The following RALGDS variants were observed in gnomAD, a reference collection of about 807,000 sequenced individuals.
RALGDS encodes ral guanine nucleotide exchange factor.
RALGDS carries 44 observed loss-of-function variants against 99.8 expected under a neutral mutation model. The ratio of observed to expected loss-of-function variants is 0.44; its 90% CI spans 0.35 to 0.57. The LOEUF is 0.57. RALGDS is among the 20% of genes least tolerant of loss of function. RALGDS has a pLI of 0.01. For synonymous variants in RALGDS, 529 were observed against 505.0 expected, an observed-to-expected ratio of 1.05 and a Z score of -0.64; for missense variants, 1,022 against 1,203.1, an observed-to-expected ratio of 0.85 and a Z score of 2.23.
At chr9:133,137,349 A>G (rs1832444286) in intron 1 of RALGDS, among the ~76,000 whole-genome samples, 1 of 152,266 alleles carries the variant, frequency 6.6e-6, no homozygotes, top group South Asian at 2.1e-4. Flanking sequence ...TGCCTAGAAC[A>G]GCATCTAGCA....
intron 1 of RALGDS, among the ~76,000 whole-genome samples, chr9:133,140,898 G>A (rs1832510074): frequency 6.6e-6 from 1 of 152,188 alleles, no homozygotes; most frequent in Admixed American, 6.5e-5. Flanking sequence ...CACTGTCTGT[G>A]CTGCCCTCTG....
At position 133,108,355 on chromosome 9, in the gene RALGDS, A is replaced by G. The variant is rs1162558814; in HGVS notation, c.830T>C (p.Leu277Pro). The G allele has an allele frequency of 6.5e-7, 1 of 1,539,602 alleles. No homozygotes were observed. Among genetic ancestry groups the G allele is most frequent in the African/African-American group, 1.4e-5 (1 of 73,018 alleles). Reference protein sequence around the residue: ...LKPTPELELALTPARAPSPVP... With the variant: ...LKPTPELELAPTPARAPSPVP... ...TGGGCTGGGTGCTCGAGCTGGTGTT[A>G]GAGCTAGCTCGAGCTCTGGAGTTGG... is the stretch of plus-strand genomic sequence containing the variant. Residue 277 changes from leucine (L) to proline (P), a missense_variant, in exon 6 of 18, where the codon CTA becomes CCA. This residue lies in a region of RALGDS where 825 missense variants were observed against 994.5 expected (regional missense o/e 0.83). Transcript: ENST00000372050.
chr9:133,137,112 A>G (rs749566294), intron 1 of RALGDS, among the ~76,000 whole-genome samples: 14 of 152,128 alleles, frequency 9.2e-5, no homozygotes, highest in Non-Finnish European at 8.8e-5. Context: ...GTGCACCTGT[A>G]GTCCCAGCTA....
intron 1 of RALGDS, among the ~76,000 whole-genome samples, chr9:133,147,935 C>T (rs1200634064): frequency 6.6e-6 from 1 of 152,182 alleles, no homozygotes; most frequent in Non-Finnish European, 1.5e-5. Context: ...ACCAGGGCAA[C>T]GGCTCTGGCC....
At chr9:133,103,628 C>T in intron 11 of RALGDS, 119 bp downstream of exon 11, 1 of 1,081,084 alleles carries the variant, frequency 9.2e-7, no homozygotes, top group Non-Finnish European at 1.4e-6. Flanking sequence ...CCTGGGGTGT[C>T]ACCAGCAGGG....
intron 16 of RALGDS, 23 bp downstream of exon 16, chr9:133,101,497 C>A: frequency 6.2e-7 from 1 of 1,610,282 alleles, no homozygotes; most frequent in Non-Finnish European, 8.5e-7. Context: ...AGGGAGGCAC[C>A]CAGGCCACCC....
upstream of RALGDS, among the ~76,000 whole-genome samples, chr9:133,121,440 C>T (rs1199686783): frequency 6.6e-6 from 1 of 152,048 alleles, no homozygotes; most frequent in Non-Finnish European, 1.5e-5. Context: ...GAGGGCGGGG[C>T]CGGGGAGGTC....
At chr9:133,140,143 G>A (rs1832494389) in intron 1 of RALGDS, among the ~76,000 whole-genome samples, 1 of 151,966 alleles carries the variant, frequency 6.6e-6, no homozygotes, top group Non-Finnish European at 1.5e-5. Context: ...GGTGGGAGCG[G>A]GAATCCCTTT....
Position 133,140,889 on chromosome 9 carries a change from A to G in RALGDS, c.18+8074T>C, listed in dbSNP as rs572059286. 6.6e-5 allele frequency among the ~76,000 whole-genome samples: 10 copies of G among 152,190 alleles called. 1 individual carries two copies. The South Asian group carries it at 2.1e-3, about 32-fold the overall frequency. ...GGCTGTGGGCCGGCAGCTCCCCGCC[A>G]CTGTCTGTGCTGCCCTCTGCCCTGC... On this transcript the variant is annotated intron_variant, in intron 1 of 17. Coordinates refer to the RALGDS transcript ENST00000393160.
At chr9:133,106,918 A>G (rs1410381479) in intron 7 of RALGDS, among the ~76,000 whole-genome samples, 167 bp downstream of exon 7, 2 of 152,202 alleles carry the variant, frequency 1.3e-5, no homozygotes, top group African/African-American at 4.8e-5. Flanking sequence ...CAACCCAAGG[A>G]AAGAGTGTAA....
At chr9:133,103,980 T>C (rs1249835737) in intron 10 of RALGDS, 147 bp from the exon 11 acceptor site, 6 of 867,088 alleles carry the variant, frequency 6.9e-6, no homozygotes, top group Non-Finnish European at 1.1e-5. Flanking sequence ...AGACTCCCTC[T>C]AGCCATCTCC....
chr9:133,141,985 G>A (rs1832530932), intron 1 of RALGDS, among the ~76,000 whole-genome samples: 1 of 152,202 alleles, frequency 6.6e-6, no homozygotes, highest in Non-Finnish European at 1.5e-5. Flanking sequence ...ACCACACGTG[G>A]TACCCCATGG....
chr9:133,129,350 C>A, intron 1 of RALGDS: 2 of 1,537,028 alleles, frequency 1.3e-6, no homozygotes, highest in South Asian at 1.2e-5. Context: ...GGAGTGGGCC[C>A]TGCGGGAGGC....
At chr9:133,128,892 C>T (rs192381880) in intron 1 of RALGDS, among the ~76,000 whole-genome samples, 4 of 152,300 alleles carry the variant, frequency 2.6e-5, no homozygotes, top group East Asian at 1.9e-4. Context: ...TGGACTGACC[C>T]GTGGGGCTGG....
At position 133,102,039 on chromosome 9, in the gene RALGDS, C is replaced by T. The variant is rs147006349; in HGVS notation, c.2110G>A (p.Ala704Thr). The T allele has an allele frequency of 1.7e-5, 27 of 1,557,882 alleles. No individual in the cohort carries two copies. Among genetic ancestry groups the T allele is most frequent in the African/African-American group, 4.1e-5 (3 of 73,494 alleles). Residue 704 changes from alanine (A) to threonine (T), a missense_variant, in exon 15 of 18, where the codon GCT (alanine) becomes ACT (threonine). Physicochemically the swap from Ala to Thr is moderately conservative, Grantham distance 58 (BLOSUM62 0). Coordinates refer to ENST00000372050, the MANE Select transcript of RALGDS (RefSeq NM_006266.4). ...GCCGAGTGCACGCTGAGCGCGTCAG[C>T]GATGTCCCCGCTGCTGAGGTAGGGG... ...CGPYLSSGDI[A>T]DALSVHSAGS...
At position 133,104,477 on chromosome 9, in the gene RALGDS, C is replaced by A. The variant is rs1830919295; in HGVS notation, c.1603-146G>T. The A allele has an allele frequency of 2.5e-5, 18 of 708,730 alleles. 1 individual carries two copies. In the South Asian group the frequency reaches 2.9e-4, roughly 12 times the overall value. 43.9% of individuals were successfully genotyped at this position (708,730 alleles called of 1,614,324 possible). A position where few individuals can be genotyped will look rare whatever the true frequency, so the allele number is the denominator to read the frequency against. On this transcript the variant is annotated intron_variant, in intron 9 of 17. Coordinates refer to ENST00000372050, the MANE Select transcript of RALGDS (RefSeq NM_006266.4). ...GTGGGGTCCTGGGCCGGTGGCCTGG[C>A]CTTCCTGAGCCTGCCTCCCCCTCTG...
chr9:133,148,905 TG>T, intron 1 of RALGDS: 1 of 1,581,392 alleles, frequency 6.3e-7, no homozygotes. Flanking sequence ...GGGTGTGGGC[TG>T]GGGCATACGG....
At chr9:133,126,723 C>G (rs1285775607) in intron 1 of RALGDS, among the ~76,000 whole-genome samples, 1 of 152,228 alleles carries the variant, frequency 6.6e-6, no homozygotes, top group African/African-American at 2.4e-5. Context: ...GGGGGACACA[C>G]AGATGGAAAC....
At chr9:133,100,904 G>A in intron 16 of RALGDS, 1 of 1,053,946 alleles carries the variant, frequency 9.5e-7, no homozygotes, top group Non-Finnish European at 1.1e-6. Flanking sequence ...GGCAATGAGG[G>A]GTCAGGAGCG....
Sources: allele counts gnomAD v4.1 joint callset (sites outside exome capture counted in the v4.1 genomes callset), GRCh38; gene constraint gnomAD v4.1.1; regional missense constraint gnomAD v4.1.1; transcripts MANE v1.5; gene names NCBI Gene and HGNC (gene_info 2026-07-23, HGNC 2026-07-21).